The following BCL11A variants were observed in gnomAD, a reference collection of about 807,000 sequenced individuals.
The protein encoded by BCL11A is B cell CLL/lymphoma 11A.
In BCL11A, 2 loss-of-function variants were observed where a neutral mutation model predicts 55.9. The observed-to-expected ratio is 0.04, with a 90% confidence interval of 0.01 to 0.11. The LOEUF (loss-of-function observed/expected upper bound fraction) is 0.11. Ranked by LOEUF, BCL11A falls within the 10% of genes least tolerant of loss-of-function variation. BCL11A has a pLI of 1.00. For synonymous variants in BCL11A, 465 were observed against 473.4 expected (o/e 0.98, Z 0.23); for missense variants, 817 against 1,137.1 (o/e 0.72, Z 4.05).
intron 2 of BCL11A, among the ~76,000 whole-genome samples, chr2:60,505,267 G>A (rs186005337): frequency 2.0e-5 from 3 of 152,338 alleles, no homozygotes; most frequent in Non-Finnish European, 4.4e-5. Context: ...AAGAAGGGAC[G>A]GATACTCAGA....
intron 2 of BCL11A, among the ~76,000 whole-genome samples, chr2:60,487,249 T>C (rs1180086163): frequency 6.6e-6 from 1 of 152,220 alleles, no homozygotes; most frequent in East Asian, 1.9e-4. Flanking sequence ...CTAACCTATA[T>C]TTTGCAAGTC....
downstream of BCL11A, among the ~76,000 whole-genome samples, chr2:60,453,360 T>C (rs1675804584): frequency 6.6e-6 from 1 of 152,216 alleles, no homozygotes; most frequent in Non-Finnish European, 1.5e-5. Context: ...GACATTGACT[T>C]GAAGCAGCAG....
intron 2 of BCL11A, chr2:60,544,614 T>A (rs1397895898): frequency 6.6e-6 from 1 of 152,202 alleles, no homozygotes; most frequent in East Asian, 1.9e-4. Flanking sequence ...AGAAATAATA[T>A]GACATTTAAT....
downstream of BCL11A, chr2:60,452,370 T>A (rs1675758854): frequency 1.9e-6 from 1 of 513,508 alleles, no homozygotes; most frequent in Admixed American, 3.2e-5. Flanking sequence ...GTGGGTCTGT[T>A]TTTTTGTTTT....
At position 60,462,076 on chromosome 2, in the gene BCL11A, A is replaced by T. The variant is rs368274827; in HGVS notation, c.836T>A (p.Ile279Lys). The T allele has an allele frequency of 7.2e-5, 114 of 1,574,998 alleles. No homozygotes were observed. Among genetic ancestry groups the T allele is most frequent in the Non-Finnish European group, 9.8e-5 (114 of 1,161,842 alleles). ...PPRHHLDPHR[I>K]ERLGAEEMAL... ...CATCTCTTCCGCCCCCAGGCGCTCT[A>T]TGCGGTGGGGGTCCAAGTGATGTCT... The change falls in exon 4 of 4, where the codon ATA becomes AAA. Residue 279 changes from isoleucine (I) to lysine (K), a missense_variant. Coordinates refer to ENST00000642384, the MANE Select transcript of BCL11A (RefSeq NM_022893.4).
chr2:60,548,205 T>C (rs899790357), intron 1 of BCL11A, among the ~76,000 whole-genome samples: 2 of 152,188 alleles, frequency 1.3e-5, no homozygotes, highest in African/African-American at 4.8e-5. Flanking sequence ...GCTTTTTTGT[T>C]TAGCATTAGC....
chr2:60,548,607 T>G (rs1004248251), intron 1 of BCL11A, among the ~76,000 whole-genome samples: 2 of 152,204 alleles, frequency 1.3e-5, no homozygotes, highest in African/African-American at 4.8e-5. Flanking sequence ...GATGATCAAA[T>G]GTACAGATAT....
At chr2:60,468,876 C>T (rs779703916) in intron 2 of BCL11A, 43 bp from the exon 3 acceptor site, 40 of 1,248,180 alleles carry the variant, frequency 3.2e-5, no homozygotes, top group Non-Finnish European at 3.9e-5. Flanking sequence ...CTACAAACAA[C>T]GTGCATCATA....
intron 2 of BCL11A, chr2:60,526,967 T>C (rs2104599321): frequency 6.6e-6 from 1 of 152,346 alleles, no homozygotes; most frequent in East Asian, 1.9e-4. Flanking sequence ...GAAGTAGAAA[T>C]ACTACCCGGC....
intron 1 of BCL11A, chr2:60,549,637 A>G (rs1670311499): frequency 6.6e-6 from 1 of 152,184 alleles, no homozygotes; most frequent in African/African-American, 2.4e-5. Context: ...GGGGGCCCGG[A>G]GACGGAGGGC....
chr2:60,486,368 G>A (rs1678275787), intron 2 of BCL11A, among the ~76,000 whole-genome samples: 1 of 152,204 alleles, frequency 6.6e-6, no homozygotes, highest in Admixed American at 6.5e-5. Flanking sequence ...AGAAAGAACG[G>A]ATAGCCAAAT....
At chr2:60,548,583 C>A (rs887139921) in intron 1 of BCL11A, among the ~76,000 whole-genome samples, 5 of 152,144 alleles carry the variant, frequency 3.3e-5, no homozygotes, top group African/African-American at 1.2e-4. Context: ...AGGCAAAGTT[C>A]TTGAAAATAA....
chr2:60,485,727 A>G (rs1678238466), intron 2 of BCL11A, among the ~76,000 whole-genome samples: 1 of 152,172 alleles, frequency 6.6e-6, no homozygotes, highest in African/African-American at 2.4e-5. Flanking sequence ...GGGACTGTCA[A>G]ACACAGTCTA....
intron 2 of BCL11A, among the ~76,000 whole-genome samples, chr2:60,499,034 AG>A: frequency 6.6e-6 from 1 of 152,312 alleles, no homozygotes; most frequent in East Asian, 1.9e-4. Flanking sequence ...GTCCCCACAC[AG>A]GCATCCAAAG....
chr2:60,513,356 C>G (rs6740203), intron 2 of BCL11A, among the ~76,000 whole-genome samples: 1 of 151,914 alleles, frequency 6.6e-6, no homozygotes, highest in Non-Finnish European at 1.5e-5. Flanking sequence ...GTCCCTGCTC[C>G]CTCAGGAGCC....
chr2:60,473,377 G>A (rs889704304), intron 2 of BCL11A, among the ~76,000 whole-genome samples: 5 of 151,986 alleles, frequency 3.3e-5, no homozygotes, highest in African/African-American at 9.7e-5. Flanking sequence ...CTATGATGAG[G>A]AGGGGTCTCT....
chr2:60,547,640 CAT>C (rs1318836476), intron 1 of BCL11A, among the ~76,000 whole-genome samples: 1 of 152,100 alleles, frequency 6.6e-6, no homozygotes, highest in African/African-American at 2.4e-5. Flanking sequence ...GCCAATTTTA[CAT>C]TTAATGAACT....
chr2:60,537,295 A>G (rs140011420), intron 2 of BCL11A: 24 of 152,298 alleles, frequency 1.6e-4, no homozygotes, highest in African/African-American at 4.6e-4. Context: ...TAATTTTTTT[A>G]AAATATTAGG....
At chr2:60,548,881 G>A (rs928809183) in intron 1 of BCL11A, among the ~76,000 whole-genome samples, 1 of 152,110 alleles carries the variant, frequency 6.6e-6, no homozygotes, top group Non-Finnish European at 1.5e-5. Flanking sequence ...TTTCTCAGTG[G>A]CAATCAACAT....
Sources: allele counts gnomAD v4.1 joint callset (sites outside exome capture counted in the v4.1 genomes callset), GRCh38; gene constraint gnomAD v4.1.1; transcripts MANE v1.5; gene names NCBI Gene and HGNC (gene_info 2026-07-23, HGNC 2026-07-21).